ACP6: variants seen among roughly 807,000 people sequenced by gnomAD.
ACP6 encodes acid phosphatase 6, lysophosphatidic, also known as lysophosphatidic acid phosphatase type 6.
A neutral mutation model predicts 48.1 loss-of-function variants in ACP6; 48 were observed. The ratio of observed to expected loss-of-function variants is 1.00; its 90% CI spans 0.79 to 1.27. The LOEUF (loss-of-function observed/expected upper bound fraction) is 1.27. ACP6 is among the 50% of genes most tolerant of loss of function. ACP6 has a pLI of 0.00. For synonymous variants in ACP6, 172 were observed against 204.2 expected, an observed-to-expected ratio of 0.84 and a Z score of 1.34; for missense variants, 485 against 529.1, an observed-to-expected ratio of 0.92 and a Z score of 0.82.
Position 147,646,833 on chromosome 1 carries a change from G to A in ACP6, c.*590C>T, listed in dbSNP as rs1198034763. The A allele has an allele frequency of 6.6e-6, 1 of 152,524 alleles. No homozygotes were observed. The highest frequency in any genetic ancestry group is 2.4e-5 in the African/African-American group (1 of 41,386). 9.4% of individuals were successfully genotyped at this position (152,524 alleles called of 1,614,324 possible). A position where few individuals can be genotyped will look rare whatever the true frequency, so the allele number is the denominator to read the frequency against. On this transcript the variant is annotated 3_prime_UTR_variant, in exon 10 of 10. Transcript: ENST00000583509. The stretch of plus-strand genomic sequence containing the variant: ...ACACGCTTTCATCCTTGCTTTCCTG[G>A]TTAACTCCTACCCACCTTTCTCTAC...
chr1:147,667,288 G>A (rs1289163452), intron 1 of ACP6, among the ~76,000 whole-genome samples: 2 of 152,064 alleles, frequency 1.3e-5, no homozygotes, highest in African/African-American at 4.8e-5. Context: ...CCCAATCTTG[G>A]CTCACTGCAA....
Position 147,647,478 on chromosome 1 carries a change from T to A in ACP6, c.1232A>T (p.Lys411Ile). The part of the protein sequence containing the change: ...AMSVYTLSPE[K>I]YHALCSQTQV... ...AGTTTGAGAGCAGAGTGCGTGGTAT[T>A]TTTCTGGGCTTAAGGTATAAACTGA... The change falls in exon 10 of 10, where the codon AAA (lysine) becomes ATA (isoleucine). Residue 411 changes from lysine to isoleucine, a missense_variant. Transcript: ENST00000583509. 6.2e-7 allele frequency: 1 copy of A among 1,614,180 alleles called. No individual in the cohort carries two copies. Among genetic ancestry groups the A allele is most frequent in the East Asian group, 2.2e-5 (1 of 44,874 alleles).
chr1:147,669,781 T>TGGCAC, intron 1 of ACP6, 49 bp downstream of exon 1: 1 of 1,502,856 alleles, frequency 6.7e-7, no homozygotes, highest in South Asian at 1.2e-5. Flanking sequence ...ACTCCTGGCC[T>TGGCAC]GGCACACGGT....
chr1:147,649,207 A>G (rs1270019827), intron 8 of ACP6, among the ~76,000 whole-genome samples: 1 of 152,194 alleles, frequency 6.6e-6, no homozygotes, highest in Non-Finnish European at 1.5e-5. Flanking sequence ...TGATACCACA[A>G]CAGTGCTTCT....
intron 1 of ACP6, among the ~76,000 whole-genome samples, chr1:147,669,358 T>C (rs1660962362): frequency 6.6e-6 from 1 of 152,158 alleles, no homozygotes; most frequent in Non-Finnish European, 1.5e-5. Context: ...GGCAACGACC[T>C]CTTATCCACT....
intron 6 of ACP6, 66 bp from the exon 7 acceptor site, chr1:147,652,615 G>A (rs1553210775): frequency 1.2e-6 from 2 of 1,611,038 alleles, no homozygotes; most frequent in Admixed American, 3.3e-5. Flanking sequence ...CAGCTGATCA[G>A]CTTCCATGGA....
At chr1:147,632,734 G>A (rs954693616) in intron 5 of ACP6, among the ~76,000 whole-genome samples, 2 of 152,138 alleles carry the variant, frequency 1.3e-5, no homozygotes, top group Admixed American at 6.5e-5. Context: ...TACATGCTAA[G>A]TGTTTTATCA....
rs1659498632 is a variant in ACP6, at chr1:147,642,923, T to G, written c.*4500A>C. On this transcript the variant is annotated 3_prime_UTR_variant, in exon 10 of 10. Coordinates refer to ENST00000583509, the MANE Select transcript of ACP6 (RefSeq NM_016361.5). ...ACTAGGTGGCTTAAACAACAGAAAT[T>G]TATTTCCTCACAGTGCTAGAGGCTA... 1 of 152,082 alleles carries G rather than the reference T, an allele frequency of 6.6e-6. No individual in the cohort carries two copies. Among genetic ancestry groups the G allele is most frequent in the South Asian group, 2.1e-4 (1 of 4,824 alleles). 9.4% of individuals were successfully genotyped at this position (152,082 alleles called of 1,614,324 possible). A position where few individuals can be genotyped will look rare whatever the true frequency, so the allele number is the denominator to read the frequency against.
rs782239307 is a variant in ACP6 at position 147,648,405 on chromosome 1, C to T, written c.984G>A (p.Leu328=). Residue 328 remains leucine, a synonymous_variant, in exon 9 of 10, where the codon CTG becomes CTA. Coordinates refer to ENST00000583509, the MANE Select transcript of ACP6 (RefSeq NM_016361.5). ...SATAPDKIRK[L]YLYAAHDVTF... is the part of the protein sequence containing the mutation. ...TCACATCATGAGCCGCATAGAGATA[C>T]AGCTTTCTGCAAGAGGAAACAGCTC... 3.7e-6 allele frequency: 6 copies of T among 1,614,006 alleles called. No homozygotes were observed. The highest frequency in any genetic ancestry group is 3.3e-5 in the South Asian group (3 of 91,088).
At chr1:147,666,041 T>A (rs1310475892) in intron 1 of ACP6, among the ~76,000 whole-genome samples, 2 of 152,144 alleles carry the variant, frequency 1.3e-5, no homozygotes, top group African/African-American at 4.8e-5. Context: ...AGCAAACAAA[T>A]GTAGGGACAA....
In ACP6 at chr1:147,667,942, A is replaced by G. The variant is rs587645106; in HGVS notation, c.219+1888T>C. 1.0e-3 allele frequency among the ~76,000 whole-genome samples: 153 copies of G among 152,018 alleles called. 1 individual carries two copies. Among genetic ancestry groups the G allele is most frequent in the Non-Finnish European group, 1.7e-3 (117 of 67,994 alleles). The stretch of plus-strand genomic sequence containing the variant: ...GAGGCGGAGGTTGCGGTGAGCCGAG[A>G]TCGCGTCACTGCACTCCAGCCTTGC... On this transcript the variant is annotated intron_variant, in intron 1 of 9. Transcript: ENST00000583509.
chr1:147,669,718 A>C, intron 1 of ACP6, 112 bp downstream of exon 1: 7 of 1,199,994 alleles, frequency 5.8e-6, no homozygotes, highest in Non-Finnish European at 8.0e-6. Context: ...TCTGGACCCA[A>C]CCCGAGCCCC....
intron 1 of ACP6, among the ~76,000 whole-genome samples, chr1:147,665,142 G>A (rs1553213439): frequency 6.6e-6 from 1 of 152,214 alleles, no homozygotes; most frequent in East Asian, 1.9e-4. Flanking sequence ...TCTAGTTGAA[G>A]TAGGAGGGAA....
intron 5 of ACP6, among the ~76,000 whole-genome samples, chr1:147,632,194 A>AACACACACACACACAC (rs71584653): frequency 5.8e-4 from 85 of 146,028 alleles, no homozygotes; most frequent in African/African-American, 1.3e-3. Flanking sequence ...ACCTATGCCC[A>AACACACACACACACAC]ACACACACAC....
intron 9 of ACP6, 74 bp downstream of exon 9, chr1:147,648,172 T>C: frequency 6.4e-7 from 1 of 1,552,080 alleles, no homozygotes. Flanking sequence ...GAGGGAGACT[T>C]GGTGCTAACT....
chr1:147,664,839 C>T (rs1660720346), intron 1 of ACP6, among the ~76,000 whole-genome samples: 1 of 152,194 alleles, frequency 6.6e-6, no homozygotes, highest in South Asian at 2.1e-4. Context: ...AGTTCAAAGG[C>T]AAGACAGACC....
At position 147,644,157 on chromosome 1, in the gene ACP6, A is replaced by T. The variant is rs2148900453; in HGVS notation, c.*3266T>A. ...ACACCTGAAAACTACTAAAGAGTAT[A>T]TCTGAAACATTTTCACCACAAGAAA... On this transcript the variant is annotated 3_prime_UTR_variant, in exon 10 of 10. Transcript: ENST00000583509. 6.6e-6 allele frequency: 1 copy of T among 152,344 alleles called. No homozygotes were observed. Among genetic ancestry groups the T allele is most frequent in the East Asian group, 1.9e-4 (1 of 5,190 alleles). 9.4% of individuals were successfully genotyped at this position (152,344 alleles called of 1,614,324 possible). A position where few individuals can be genotyped will look rare whatever the true frequency, so the allele number is the denominator to read the frequency against.
intron 1 of ACP6, among the ~76,000 whole-genome samples, chr1:147,660,534 C>G (rs925118140): frequency 2.0e-5 from 3 of 152,094 alleles, no homozygotes; most frequent in Admixed American, 6.5e-5. Flanking sequence ...AAACCTCAAA[C>G]CTTTGGCTCC....
rs1553210742 is a variant in ACP6, at chr1:147,652,509, G to A, written c.821C>T (p.Ala274Val). The A allele has an allele frequency of 6.2e-7, 1 of 1,614,108 alleles. No homozygotes were observed. Among genetic ancestry groups the A allele is most frequent in the Admixed American group, 1.7e-5 (1 of 60,016 alleles). Residue 274 changes from alanine to valine, a missense_variant, in exon 7 of 10, where the codon GCA becomes GTA. Physicochemically the swap from Ala to Val is moderately conservative, Grantham distance 64 (BLOSUM62 0). Coordinates refer to ENST00000583509, the MANE Select transcript of ACP6 (RefSeq NM_016361.5). ...LPSCPMLKRF[A>V]RMIEQRAVDT... Reference sequence around the variant, plus strand: ...CACAGCTCTCTGTTCGATCATCCTTGCAAATCTCTTCAGCATGGGGCAGCT... The same window carrying A: ...CACAGCTCTCTGTTCGATCATCCTTACAAATCTCTTCAGCATGGGGCAGCT...
Sources: gnomAD v4.1 joint callset for allele counts (sites outside exome capture counted in the v4.1 genomes callset) on GRCh38, gnomAD v4.1.1 for gene constraint, MANE v1.5 for transcripts, NCBI Gene and HGNC (gene_info 2026-07-23, HGNC 2026-07-21) for gene names.